Variants in EYS observed in about 807,000 individuals in gnomAD.
EYS encodes EGF-like photoreceptor maintenance factor.
EYS carries 250 observed loss-of-function variants against 282.1 expected under a neutral mutation model. That is an observed-to-expected ratio of 0.89 (90% CI 0.80 to 0.98). The LOEUF (loss-of-function observed/expected upper bound fraction) is 0.98. EYS is among the 50% of genes least tolerant of loss of function. The pLI is 0.00. For synonymous variants in EYS, 1,355 were observed against 1,282.9 expected (o/e 1.06, Z -1.20); for missense variants, 4,016 against 3,709.0 (o/e 1.08, Z -2.15).
At chr6:63,829,979 C>A (rs1441032057) in intron 36 of EYS, among the ~76,000 whole-genome samples, 1 of 152,206 alleles carries the variant, frequency 6.6e-6, no homozygotes, top group Non-Finnish European at 1.5e-5. Context: ...CAGGAAACTC[C>A]AACAGACCTG....
At chr6:63,725,213 A>G (rs981080665) in intron 42 of EYS, among the ~76,000 whole-genome samples, 14 of 152,268 alleles carry the variant, frequency 9.2e-5, no homozygotes, top group Non-Finnish European at 1.9e-4. Context: ...TGGCATAAAA[A>G]AGGAAACTCT....
chr6:63,833,375 G>C (rs1052268406), intron 36 of EYS, among the ~76,000 whole-genome samples: 1 of 152,128 alleles, frequency 6.6e-6, no homozygotes, highest in Non-Finnish European at 1.5e-5. Context: ...AAAGTTTCAG[G>C]ATACAAAATC....
intron 31 of EYS, among the ~76,000 whole-genome samples, chr6:64,184,220 T>C (rs1764866501): frequency 6.6e-6 from 1 of 152,162 alleles, no homozygotes; most frequent in African/African-American, 2.4e-5. Context: ...TGTGGGCAAG[T>C]GTCTCGTCTG....
intron 16 of EYS, among the ~76,000 whole-genome samples, chr6:64,910,208 G>A (rs113779337): frequency 2.0e-5 from 3 of 152,206 alleles, no homozygotes; most frequent in African/African-American, 7.2e-5. Context: ...TGATACTTGT[G>A]AGAATTAAAT....
At chr6:65,354,285 T>A (rs765035160) in intron 8 of EYS, among the ~76,000 whole-genome samples, 1 of 152,118 alleles carries the variant, frequency 6.6e-6, no homozygotes, top group Admixed American at 6.6e-5. Context: ...CTTTAGAGCA[T>A]ACCCCTCAAT....
intron 12 of EYS, among the ~76,000 whole-genome samples, chr6:65,171,557 C>T (rs1031583782): frequency 4.0e-5 from 6 of 151,180 alleles, no homozygotes; most frequent in South Asian, 4.2e-4. Flanking sequence ...TAAAACCCAA[C>T]ACTGAAGTAT....
Position 64,388,113 on chromosome 6 carries a change from A to G in EYS, c.6078+577T>C, listed in dbSNP as rs184997526. 8.5e-5 allele frequency among the ~76,000 whole-genome samples: 13 copies of G among 152,286 alleles called. No homozygotes were observed. In the East Asian group the frequency reaches 1.5e-3, roughly 18 times the overall value. ...TTTTAAAGCAATTTGCTGCAACAAC[A>G]TAAAATGGAACCAAATAATAGCATT... On this transcript the variant is annotated intron_variant, in intron 29 of 42. Transcript: ENST00000503581.
intron 31 of EYS, among the ~76,000 whole-genome samples, chr6:64,172,119 A>T (rs1764496013): frequency 6.6e-6 from 1 of 152,196 alleles, no homozygotes; most frequent in South Asian, 2.1e-4. Flanking sequence ...CAACCTTTTC[A>T]ATATTCTTTC....
intron 35 of EYS, among the ~76,000 whole-genome samples, chr6:63,920,556 A>G (rs634180): frequency 0.66 from 100,262 of 152,004 alleles, 33,281 homozygotes; most frequent in South Asian, 0.73. Context: ...ATGATCTCCA[A>G]GTGTCTAGTT....
chr6:64,228,167 C>T (rs886951103), intron 31 of EYS, among the ~76,000 whole-genome samples: 4 of 152,002 alleles, frequency 2.6e-5, no homozygotes. Context: ...ACATTTAGAG[C>T]AATAGGTTGA....
chr6:64,700,218 T>A (rs780395373), intron 22 of EYS, among the ~76,000 whole-genome samples: 2 of 151,492 alleles, frequency 1.3e-5, no homozygotes, highest in Non-Finnish European at 2.9e-5. Context: ...AAACCAGACA[T>A]CAAAATAACA....
chr6:65,366,694 C>A (rs1764923885), intron 8 of EYS, among the ~76,000 whole-genome samples: 1 of 151,566 alleles, frequency 6.6e-6, no homozygotes, highest in African/African-American at 2.4e-5. Flanking sequence ...CATAAAACAA[C>A]ATTTATTCTC....
chr6:64,085,328 G>C (rs1002280063), intron 31 of EYS, among the ~76,000 whole-genome samples: 1 of 93,946 alleles, frequency 1.1e-5, no homozygotes, highest in Non-Finnish European at 1.9e-5. Flanking sequence ...GCGCGCGTGC[G>C]CACGTGCGCG....
chr6:64,822,573 A>C (rs1764930880), intron 20 of EYS, 78 bp downstream of exon 20: 1 of 1,183,800 alleles, frequency 8.4e-7, no homozygotes, highest in Non-Finnish European at 1.2e-6. Flanking sequence ...ATCTTTATCA[A>C]CTTTCCCTTG....
intron 12 of EYS, among the ~76,000 whole-genome samples, chr6:65,257,567 G>A (rs901434798): frequency 1.3e-5 from 2 of 150,610 alleles, no homozygotes; most frequent in Admixed American, 1.3e-4. Flanking sequence ...GTTTGTCAAA[G>A]ATCAGATAGT....
At chr6:65,025,383 C>T (rs1336715233) in intron 13 of EYS, among the ~76,000 whole-genome samples, 1 of 152,112 alleles carries the variant, frequency 6.6e-6, no homozygotes, top group East Asian at 1.9e-4. Flanking sequence ...TGATTTTAAA[C>T]AAATGGATTT....
intron 26 of EYS, among the ~76,000 whole-genome samples, chr6:64,489,243 T>C (rs1462218840): frequency 6.6e-6 from 1 of 150,792 alleles, no homozygotes. Context: ...ACATAGACCA[T>C]AGAAATATAA....
At chr6:64,760,054 C>G (rs1215411897) in intron 22 of EYS, among the ~76,000 whole-genome samples, 1 of 152,076 alleles carries the variant, frequency 6.6e-6, no homozygotes, top group Non-Finnish European at 1.5e-5. Context: ...TTAAAGGTAC[C>G]AATTATGTTT....
At chr6:65,450,024 T>G in intron 5 of EYS, among the ~76,000 whole-genome samples, 1 of 152,142 alleles carries the variant, frequency 6.6e-6, no homozygotes, top group East Asian at 1.9e-4. Flanking sequence ...AAACAGAAGA[T>G]ACTAGAGACT....
Sources: allele counts gnomAD v4.1 joint callset (sites outside exome capture counted in the v4.1 genomes callset), GRCh38; gene constraint gnomAD v4.1.1; transcripts MANE v1.5; gene names NCBI Gene and HGNC (gene_info 2026-07-23, HGNC 2026-07-21).